The following FRMD3 variants were observed in gnomAD, a reference collection of about 807,000 sequenced individuals.
The protein encoded by FRMD3 is FERM domain-containing protein 3.
Under a neutral mutation model 70.2 loss-of-function variants are expected in FRMD3, and 33 were observed. The ratio of observed to expected loss-of-function variants is 0.47; its 90% CI spans 0.36 to 0.63. The LOEUF is 0.63. Among genes scored for constraint, FRMD3 ranks in the 20% least tolerant of loss-of-function variants. The pLI, the probability that FRMD3 is intolerant of heterozygous loss-of-function variation, is 0.00. For missense variants in FRMD3, 632 were observed against 711.4 expected (o/e 0.89, Z 1.27); for synonymous variants, 279 against 255.9 (o/e 1.09, Z -0.86).
chr9:83,402,898 C>CTT (rs559570925), intron 1 of FRMD3, among the ~76,000 whole-genome samples: 8,582 of 87,002 alleles, frequency 0.099, 689 homozygotes, highest in African/African-American at 0.19. Flanking sequence ...TTCTTTCTTT[C>CTT]TTTTTTTTTT....
intron 6 of FRMD3, 96 bp from the exon 7 acceptor site, chr9:83,313,843 T>G: frequency 1.1e-6 from 1 of 918,298 alleles, no homozygotes; most frequent in South Asian, 1.4e-5. Flanking sequence ...CTAAGCTAAA[T>G]AAAGAGAAAA....
chr9:83,351,674 A>G (rs1297963987), intron 3 of FRMD3, among the ~76,000 whole-genome samples: 1 of 145,500 alleles, frequency 6.9e-6, no homozygotes, highest in Non-Finnish European at 1.5e-5. Flanking sequence ...TAGATAGATG[A>G]TTGATAGTTA....
rs34110409 is a variant in FRMD3 at position 83,372,370 on chromosome 9, G to GA, written c.295+542dup. ...TCACTGGTTAAAAAGAGAGAGAGAC[G>GA]AAAAAAAAAAAAAAAAGAAGTTCAG... On this transcript the variant is annotated intron_variant, in intron 3 of 13. Transcript: ENST00000304195. Among the ~76,000 whole-genome samples, 236 of 18,458 alleles carry GA rather than the reference G, an allele frequency of 0.013. 1 individual carries two copies. In the South Asian group the frequency reaches 0.13, roughly 11 times the overall value. The allele number at this position is 18,458 out of a possible 152,430, so 12.1% of individuals were successfully genotyped here.
the FRMD3 span, among the ~76,000 whole-genome samples, chr9:83,565,340 T>G: frequency 2.6e-5 from 4 of 152,196 alleles, no homozygotes; most frequent in Non-Finnish European, 5.9e-5. Flanking sequence ...TCTATTGATG[T>G]GGATGCCACT....
chr9:83,431,092 T>C (rs989832364), intron 1 of FRMD3, among the ~76,000 whole-genome samples: 2 of 152,232 alleles, frequency 1.3e-5, no homozygotes, highest in African/African-American at 2.4e-5. Flanking sequence ...GTGAGATCCA[T>C]TGGCCCTTTA....
At chr9:83,485,991 T>C (rs543410169) in intron 1 of FRMD3, among the ~76,000 whole-genome samples, 1 of 152,102 alleles carries the variant, frequency 6.6e-6, no homozygotes, top group Non-Finnish European at 1.5e-5. Flanking sequence ...ATCATATACA[T>C]TATGTATCTA....
intron 1 of FRMD3, among the ~76,000 whole-genome samples, chr9:83,451,909 T>G (rs1195727710): frequency 6.6e-6 from 1 of 152,214 alleles, no homozygotes; most frequent in African/African-American, 2.4e-5. Flanking sequence ...CATTTGTAAA[T>G]TATTCATAAC....
chr9:83,348,556 G>T (rs1824039042), intron 4 of FRMD3, among the ~76,000 whole-genome samples: 1 of 152,090 alleles, frequency 6.6e-6, no homozygotes, highest in African/African-American at 2.4e-5. Flanking sequence ...GGGGAGGGTT[G>T]TCCAACACTG....
intron 6 of FRMD3, among the ~76,000 whole-genome samples, chr9:83,323,608 A>C (rs1296365560): frequency 1.3e-5 from 2 of 152,184 alleles, no homozygotes; most frequent in Non-Finnish European, 2.9e-5. Context: ...CACCAGCATG[A>C]AGGCCCTCAC....
chr9:83,481,068 C>A (rs1828557618), intron 1 of FRMD3, among the ~76,000 whole-genome samples: 1 of 152,038 alleles, frequency 6.6e-6, no homozygotes, highest in Admixed American at 6.6e-5. Context: ...GAAAGAAAAG[C>A]AAAGGAATGA....
intron 3 of FRMD3, among the ~76,000 whole-genome samples, chr9:83,357,226 T>A (rs766149496): frequency 0.28 from 4,079 of 14,704 alleles, 407 homozygotes; most frequent in Non-Finnish European, 0.32. Flanking sequence ...TATATATATT[T>A]TATATATATA....
At chr9:83,287,961 C>T (rs914879051) in intron 13 of FRMD3, among the ~76,000 whole-genome samples, 1 of 152,234 alleles carries the variant, frequency 6.6e-6, no homozygotes, top group East Asian at 1.9e-4. Flanking sequence ...GTGTGGTCTA[C>T]AGGGTGTACA....
rs57650911 is a variant in FRMD3, at chr9:83,467,324, A to G, written c.147+70761T>C. ...TGTCTGTGCTTTGGTCAGGAAAGGA[A>G]CCACCTTCAGAACCATTATTACCAA... On this transcript the variant is annotated intron_variant, in intron 1 of 13. Transcript: ENST00000304195. 2.2e-3 allele frequency among the ~76,000 whole-genome samples: 341 copies of G among 152,314 alleles called. 1 individual carries two copies. Among genetic ancestry groups the G allele is most frequent in the African/African-American group, 7.9e-3 (330 of 41,568 alleles).
intron 10 of FRMD3, among the ~76,000 whole-genome samples, chr9:83,300,570 T>G (rs1336065246): frequency 6.6e-6 from 1 of 152,136 alleles, no homozygotes; most frequent in Non-Finnish European, 1.5e-5. Context: ...GGGCCAGGGA[T>G]AAAAACTACA....
intron 13 of FRMD3, among the ~76,000 whole-genome samples, chr9:83,252,102 G>T (rs1164099854): frequency 6.6e-6 from 1 of 152,036 alleles, no homozygotes; most frequent in Non-Finnish European, 1.5e-5. Context: ...AATGAAAGAA[G>T]AAATGTTAAG....
chr9:83,317,225 C>CAA (rs1169338770), intron 6 of FRMD3, among the ~76,000 whole-genome samples: 2 of 151,284 alleles, frequency 1.3e-5, no homozygotes, highest in Non-Finnish European at 2.9e-5. Flanking sequence ...CACACACACA[C>CAA]ACTCATTTGT....
At chr9:83,579,477 C>T in the FRMD3 span, among the ~76,000 whole-genome samples, 1 of 151,944 alleles carries the variant, frequency 6.6e-6, no homozygotes, top group Non-Finnish European at 1.5e-5. Context: ...TAAATAAACC[C>T]ACACATATAC....
chr9:83,310,983 A>G (rs1835329220), intron 8 of FRMD3, among the ~76,000 whole-genome samples: 1 of 152,146 alleles, frequency 6.6e-6, no homozygotes, highest in Non-Finnish European at 1.5e-5. Context: ...GCACTGCAAA[A>G]TGTTCACTCC....
chr9:83,356,054 T>C (rs1393302194), intron 3 of FRMD3, among the ~76,000 whole-genome samples: 3 of 152,032 alleles, frequency 2.0e-5, no homozygotes, highest in African/African-American at 7.2e-5. Context: ...ACTGAGAACA[T>C]GGAGAGAGGT....
Sources: allele counts gnomAD v4.1 joint callset (sites outside exome capture counted in the v4.1 genomes callset), GRCh38; gene constraint gnomAD v4.1.1; transcripts MANE v1.5; gene names NCBI Gene and HGNC (gene_info 2026-07-23, HGNC 2026-07-21).